Variants in CFAP45 observed in about 807,000 individuals in gnomAD.
CFAP45 encodes cilia- and flagella-associated protein 45.
In CFAP45, 43 loss-of-function variants were observed where a neutral mutation model predicts 75.6. The observed-to-expected ratio is 0.57, with a 90% CI of 0.45 to 0.73. The LOEUF is 0.73. CFAP45 is among the 30% of genes least tolerant of loss of function. The pLI is 0.00. For missense variants in CFAP45, 689 were observed against 701.5 expected, an observed-to-expected ratio of 0.98 and a Z score of 0.20; for synonymous variants, 223 against 244.6, an observed-to-expected ratio of 0.91 and a Z score of 0.82.
rs145427366 is a variant in CFAP45, at chr1:159,883,288, C to CTGAATGAA, written c.897+1140_897+1147dup. On this transcript the variant is annotated intron_variant, in intron 7 of 11. Transcript: ENST00000368099. ...CAGTGTTATAAAAATGAATGAAGAA[C>CTGAATGAA]TGAATGAATGAATGAATGAATGAAT... Among the ~76,000 whole-genome samples the CTGAATGAA allele has an allele frequency of 4.3e-3, 646 of 151,174 alleles. 3 individuals are homozygous for CTGAATGAA. Among genetic ancestry groups the CTGAATGAA allele is most frequent in the African/African-American group, 8.7e-3 (360 of 41,268 alleles).
At chr1:159,876,292 T>G in intron 10 of CFAP45, 1 of 531,066 alleles carries the variant, frequency 1.9e-6, no homozygotes, top group Non-Finnish European at 3.4e-6. Flanking sequence ...TATTTATACT[T>G]TTACTGTTCC....
chr1:159,896,218 A>G (rs1328814498), intron 1 of CFAP45, among the ~76,000 whole-genome samples: 1 of 152,228 alleles, frequency 6.6e-6, no homozygotes, highest in Non-Finnish European at 1.5e-5. Flanking sequence ...TCCAGGGCTG[A>G]GCCTGCATCT....
At chr1:159,878,753 T>TAAAAAAAAAAAAACAAAAAA (rs1649469918) in intron 8 of CFAP45, among the ~76,000 whole-genome samples, 3 of 32,496 alleles carry the variant, frequency 9.2e-5, no homozygotes, top group Non-Finnish European at 1.2e-4. Context: ...AGACTACATC[T>TAAAAAAAAAAAAACAAAAAA]AAAAAAAAAA....
chr1:159,875,753 T>C (rs1201495119), intron 10 of CFAP45, among the ~76,000 whole-genome samples: 1 of 152,196 alleles, frequency 6.6e-6, no homozygotes, highest in African/African-American at 2.4e-5. Flanking sequence ...CATTCCCAGT[T>C]AGACCAGGAG....
intron 1 of CFAP45, 112 bp from the exon 2 acceptor site, chr1:159,893,417 A>G: frequency 1.9e-6 from 2 of 1,050,616 alleles, no homozygotes; most frequent in South Asian, 1.3e-5. Flanking sequence ...TGTGAAAAAG[A>G]AACAGTTAGG....
chr1:159,878,782 ACC>A, intron 8 of CFAP45, among the ~76,000 whole-genome samples: 1 of 141,472 alleles, frequency 7.1e-6, no homozygotes, highest in Non-Finnish European at 1.5e-5. Flanking sequence ...AAAAAAAAAA[ACC>A]TTCCTTGCCC....
rs575476591 is a variant in CFAP45 at position 159,894,457 on chromosome 1, A to G, written c.4-1152T>C. On this transcript the variant is annotated intron_variant, in intron 1 of 11. Transcript: ENST00000368099. ...TCTTACAAGGTTATGGTGGGACCAC[A>G]GGATATAAAGGATGGAAAAGTGCCT... Among the ~76,000 whole-genome samples the G allele has an allele frequency of 2.1e-4, 32 of 152,348 alleles. No homozygotes were observed. In the South Asian group the frequency reaches 5.8e-3, roughly 28 times the overall value.
chr1:159,875,632 T>C (rs912618331), intron 10 of CFAP45, among the ~76,000 whole-genome samples: 2 of 152,256 alleles, frequency 1.3e-5, no homozygotes, highest in African/African-American at 2.4e-5. Flanking sequence ...TCTCTACTTA[T>C]CTGAGCATAA....
At chr1:159,878,943 A>G (rs2101842807) in intron 8 of CFAP45, among the ~76,000 whole-genome samples, 1 of 151,914 alleles carries the variant, frequency 6.6e-6, no homozygotes, top group Non-Finnish European at 1.5e-5. Context: ...TTCTGCTTTT[A>G]GCTCTGCAGG....
intron 1 of CFAP45, among the ~76,000 whole-genome samples, chr1:159,896,863 T>G (rs920274884): frequency 1.3e-5 from 2 of 152,210 alleles, no homozygotes; most frequent in Admixed American, 6.5e-5. Context: ...TATGAGAGAC[T>G]CTGATGCAGA....
At position 159,888,457 on chromosome 1, in the gene CFAP45, G is replaced by A. The variant is rs781290065; in HGVS notation, c.312C>T (p.Ile104=). The A allele has an allele frequency of 9.4e-6, 15 of 1,604,104 alleles. No homozygotes were observed. In the South Asian group the frequency reaches 1.5e-4, roughly 16 times the overall value. ...TEDPSGESLI[I]SPEEFERIKW... is the part of the protein sequence containing the mutation. ...TGATTCGCTCAAACTCCTCAGGGCT[G>A]ATGATTAGGGACTCCCCGGAGGGAT... Residue 104 remains isoleucine (I), a synonymous_variant, in exon 4 of 12, where the codon ATC becomes ATT. Transcript: ENST00000368099.
chr1:159,888,538 G>T, intron 3 of CFAP45, 42 bp from the exon 4 acceptor site: 2 of 1,591,480 alleles, frequency 1.3e-6, no homozygotes, highest in East Asian at 2.2e-5. Context: ...GAGAGGGAAA[G>T]CTCTCAGCAC....
intron 7 of CFAP45, among the ~76,000 whole-genome samples, chr1:159,883,190 A>G (rs1375161613): frequency 6.6e-6 from 1 of 152,252 alleles, no homozygotes; most frequent in Non-Finnish European, 1.5e-5. Context: ...AAATGGCACC[A>G]TGAGGAGGCA....
intron 10 of CFAP45, chr1:159,873,402 C>T (rs556162075): frequency 9.7e-5 from 56 of 576,710 alleles, no homozygotes; most frequent in African/African-American, 8.8e-4. Context: ...GACTGTATGT[C>T]ATGGGCATGC....
At position 159,887,992 on chromosome 1, in the gene CFAP45, T is replaced by C; in HGVS notation, c.437A>G (p.Lys146Arg). 1 of 1,614,210 alleles carries C rather than the reference T, an allele frequency of 6.2e-7. No individual in the cohort carries two copies. Among genetic ancestry groups the C allele is most frequent in the Non-Finnish European group, 8.5e-7 (1 of 1,180,036 alleles). ...CATCTCCTTCTGTTTCATGATCTTC[T>C]TTCGTGTCATCACTGCATCCTAAGG... ...EATMDAVMTR[K>R]KIMKQKEMVW... Residue 146 changes from lysine (K) to arginine (R), a missense_variant, in exon 5 of 12, where the codon AAG becomes AGG. Transcript: ENST00000368099.
chr1:159,877,606 G>T (rs1285721892), intron 8 of CFAP45, 144 bp from the exon 9 acceptor site: 5 of 676,546 alleles, frequency 7.4e-6, no homozygotes, highest in Admixed American at 2.1e-5. Flanking sequence ...GCCAGGTGCC[G>T]TGGCTCATGC....
intron 10 of CFAP45, among the ~76,000 whole-genome samples, chr1:159,874,169 A>T (rs563007979): frequency 6.6e-6 from 1 of 152,332 alleles, no homozygotes; most frequent in East Asian, 1.9e-4. Flanking sequence ...AGGCCTTCTT[A>T]AGCTAACATC....
chr1:159,886,666 A>G lies in CFAP45; in HGVS notation c.612T>C (p.His204=). 1 of 1,614,034 alleles carries G rather than the reference A, an allele frequency of 6.2e-7. No individual in the cohort carries two copies. Among genetic ancestry groups the G allele is most frequent in the Non-Finnish European group, 8.5e-7 (1 of 1,179,960 alleles). The change falls in exon 6 of 12, where the codon CAT becomes CAC. Residue 204 remains histidine (H), a synonymous_variant. Coordinates refer to ENST00000368099, the MANE Select transcript of CFAP45 (RefSeq NM_012337.3). The stretch of plus-strand genomic sequence containing the variant: ...CCAGGATTTGGGCATCCCGGATGGC[A>G]TGGCACTTAGCATTGAGGATAATCT... ...MSKIILNAKC[H]AIRDAQILEK...
chr1:159,888,992 GA>G (rs1649762512), intron 3 of CFAP45, among the ~76,000 whole-genome samples: 1 of 151,884 alleles, frequency 6.6e-6, no homozygotes, highest in Non-Finnish European at 1.5e-5. Flanking sequence ...CAAAGCTGTT[GA>G]ATTAAATTTT....
Sources: allele counts gnomAD v4.1 joint callset (sites outside exome capture counted in the v4.1 genomes callset), GRCh38; gene constraint gnomAD v4.1.1; transcripts MANE v1.5; gene names NCBI Gene and HGNC (gene_info 2026-07-23, HGNC 2026-07-21).